Variants in SPARCL1 observed in about 807,000 individuals in gnomAD.
The protein encoded by SPARCL1 is SPARC-like protein 1.
In SPARCL1, 52 loss-of-function variants were observed where a neutral mutation model predicts 67.1. The observed-to-expected ratio is 0.78, with a 90% CI of 0.62 to 0.98. The LOEUF is 0.98. Ranked by LOEUF, SPARCL1 falls within the 50% of genes least tolerant of loss-of-function variation. SPARCL1 has a pLI of 0.00. For missense variants in SPARCL1, 717 were observed against 782.4 expected, an observed-to-expected ratio of 0.92 and a Z score of 1.00; for synonymous variants, 226 against 267.8, an observed-to-expected ratio of 0.84 and a Z score of 1.52.
intron 1 of SPARCL1, among the ~76,000 whole-genome samples, chr4:87,504,205 T>A (rs1201448901): frequency 9.6e-6 from 1 of 104,568 alleles, no homozygotes; most frequent in Non-Finnish European, 2.1e-5. Flanking sequence ...GTGGGAGGGT[T>A]GAATCAGGGG....
chr4:87,522,546 G>C (rs1480472055), intron 1 of SPARCL1, among the ~76,000 whole-genome samples: 1 of 151,534 alleles, frequency 6.6e-6, no homozygotes, highest in African/African-American at 2.4e-5. Context: ...GCCTCAAATA[G>C]GCCACGATCC....
intron 7 of SPARCL1, among the ~76,000 whole-genome samples, chr4:87,482,767 G>C (rs1283632001): frequency 6.6e-6 from 1 of 152,150 alleles, no homozygotes; most frequent in Non-Finnish European, 1.5e-5. Flanking sequence ...TTCCAATCAA[G>C]TAAATTCTGA....
At chr4:87,503,015 A>G (rs1434079440) in intron 1 of SPARCL1, among the ~76,000 whole-genome samples, 1 of 152,180 alleles carries the variant, frequency 6.6e-6, no homozygotes, top group Admixed American at 6.5e-5. Flanking sequence ...AAGAGACTGG[A>G]GTTCTCTCAG....
chr4:87,519,638 C>T (rs986210748), intron 1 of SPARCL1, among the ~76,000 whole-genome samples: 1 of 152,022 alleles, frequency 6.6e-6, no homozygotes, highest in African/African-American at 2.4e-5. Context: ...AAATTTTTTT[C>T]CCTATAAGCT....
intron 7 of SPARCL1, among the ~76,000 whole-genome samples, chr4:87,489,656 C>T (rs1481785932): frequency 2.0e-5 from 3 of 152,218 alleles, no homozygotes; most frequent in African/African-American, 7.2e-5. Context: ...CTGCCCAGAA[C>T]TCACATAGAT....
chr4:87,521,608 C>A (rs963884741), intron 1 of SPARCL1, among the ~76,000 whole-genome samples: 9 of 152,246 alleles, frequency 5.9e-5, no homozygotes, highest in Non-Finnish European at 1.3e-4. Context: ...CCTCTTCCTT[C>A]CCTTCTGGGC....
rs1292458155 is a variant in SPARCL1, at chr4:87,490,806, A to G, written c.1364T>C (p.Val455Ala). The G allele has an allele frequency of 1.2e-6, 2 of 1,613,056 alleles. No individual in the cohort carries two copies. Among genetic ancestry groups the G allele is most frequent in the South Asian group, 2.2e-5 (2 of 90,782 alleles). Residue 455 changes from valine to alanine, a missense_variant, in exon 6 of 11, where the codon GTC becomes GCC. By Grantham distance (64) the Val-to-Ala change is moderately conservative (BLOSUM62 0). Transcript: ENST00000282470. ...KADQQGKPHC[V>A]CQDPVTCPPT... ...AGGACAAGTCACTGGATCCTGGCAG[A>G]CACAGTGAGGTTTTCCCTGTTGGTC...
intron 1 of SPARCL1, among the ~76,000 whole-genome samples, chr4:87,514,525 C>T (rs1258056309): frequency 2.6e-5 from 4 of 152,156 alleles, no homozygotes; most frequent in Non-Finnish European, 4.4e-5. Context: ...ATGATCCAAG[C>T]AGGAAACCCC....
At chr4:87,512,883 G>C (rs76975121) in intron 1 of SPARCL1, among the ~76,000 whole-genome samples, 8,334 of 152,238 alleles carry the variant, frequency 0.055, 736 homozygotes, top group African/African-American at 0.19. Flanking sequence ...GTCATAGGCT[G>C]TAATACTTAA....
At chr4:87,512,848 A>G (rs532336146) in intron 1 of SPARCL1, among the ~76,000 whole-genome samples, 2 of 152,350 alleles carry the variant, frequency 1.3e-5, no homozygotes, top group South Asian at 4.1e-4. Flanking sequence ...CATAACAATT[A>G]AAGGCATAAG....
chr4:87,500,050 G>T (rs1724783288), intron 1 of SPARCL1, among the ~76,000 whole-genome samples: 1 of 152,174 alleles, frequency 6.6e-6, no homozygotes, highest in African/African-American at 2.4e-5. Context: ...TGATTTAGAG[G>T]TCTTTACTGG....
chr4:87,479,383 G>C lies in SPARCL1; in HGVS notation c.1966+47C>G, dbSNP rs368750256. The C allele has an allele frequency of 2.6e-5, 42 of 1,591,356 alleles. No individual in the cohort carries two copies. The African/African-American group carries it at 4.4e-4, about 17-fold the overall frequency. On this transcript the variant is annotated intron_variant, in intron 10 of 10. Transcript: ENST00000282470. The stretch of plus-strand genomic sequence containing the variant: ...ATGAAGCATGCAGGGCTTAGGGCTT[G>C]TCTGAGGAAGAAGACATCCCTCTTC...
chr4:87,489,525 T>C lies in SPARCL1; in HGVS notation c.1531+748A>G, dbSNP rs538220632. Among the ~76,000 whole-genome samples, 18 of 152,320 alleles carry C rather than the reference T, an allele frequency of 1.2e-4. No homozygotes were observed. The South Asian group carries it at 3.7e-3, about 32-fold the overall frequency. On this transcript the variant is annotated intron_variant, in intron 7 of 10. Transcript: ENST00000282470. ...GGGAGCTGCAAACCAGAGTGGTCCT[T>C]ATTTGGCCATCTTGCCAGCCACCAA...
chr4:87,502,261 C>A (rs1033889110), intron 1 of SPARCL1, among the ~76,000 whole-genome samples: 1 of 152,032 alleles, frequency 6.6e-6, no homozygotes, highest in Non-Finnish European at 1.5e-5. Context: ...ATTTGCATAT[C>A]CATCACCTCA....
At chr4:87,476,569 G>A (rs760815651) in intron 10 of SPARCL1, among the ~76,000 whole-genome samples, 6 of 152,166 alleles carry the variant, frequency 3.9e-5, no homozygotes, top group Non-Finnish European at 8.8e-5. Flanking sequence ...GTCTTTAAAT[G>A]GCTTAGGGGA....
At chr4:87,513,493 A>G (rs1725460144) in intron 1 of SPARCL1, among the ~76,000 whole-genome samples, 4 of 152,190 alleles carry the variant, frequency 2.6e-5, no homozygotes, top group Admixed American at 2.6e-4. Flanking sequence ...CAAACTTCAT[A>G]TATAGGATGG....
intron 1 of SPARCL1, among the ~76,000 whole-genome samples, chr4:87,523,776 A>C (rs979429201): frequency 6.6e-6 from 1 of 152,232 alleles, no homozygotes; most frequent in Non-Finnish European, 1.5e-5. Context: ...CATAGATTAA[A>C]TATCCCAAGT....
At chr4:87,514,809 A>T (rs996460031) in intron 1 of SPARCL1, among the ~76,000 whole-genome samples, 5 of 152,250 alleles carry the variant, frequency 3.3e-5, no homozygotes, top group African/African-American at 1.2e-4. Context: ...TTCCTGGGAA[A>T]TGAGAGATAT....
intron 2 of SPARCL1, chr4:87,497,230 T>C (rs962259622): frequency 1.0e-6 from 1 of 984,894 alleles, no homozygotes; most frequent in African/African-American, 1.7e-5. Flanking sequence ...GCTTCTTATC[T>C]CCTTTTCACC....
Sources: gnomAD v4.1 joint callset for allele counts (sites outside exome capture counted in the v4.1 genomes callset) on GRCh38, gnomAD v4.1.1 for gene constraint, MANE v1.5 for transcripts, NCBI Gene and HGNC (gene_info 2026-07-23, HGNC 2026-07-21) for gene names.